The following SPATA16 variants were observed in gnomAD, a reference collection of about 807,000 sequenced individuals.
SPATA16 encodes the protein spermatogenesis associated 16.
A neutral mutation model predicts 63.3 loss-of-function variants in SPATA16; 36 were observed. The observed-to-expected ratio is 0.57, with a 90% CI of 0.44 to 0.75. The LOEUF is 0.75. SPATA16 is among the 30% of genes least tolerant of loss of function. The pLI, the probability that SPATA16 is intolerant of heterozygous loss-of-function variation, is 0.00. For missense variants in SPATA16, 646 were observed against 679.3 expected (o/e 0.95, Z 0.54); for synonymous variants, 203 against 216.7 (o/e 0.94, Z 0.56).
At chr3:172,916,568 G>GT (rs1434991324) in intron 8 of SPATA16, 87 bp from the exon 9 acceptor site, 14 of 1,357,644 alleles carry the variant, frequency 1.0e-5, no homozygotes, top group Non-Finnish European at 1.5e-5. Context: ...TTGTGATAAC[G>GT]TATTTACATC....
intron 1 of SPATA16, among the ~76,000 whole-genome samples, chr3:173,126,659 A>G (rs1738236697): frequency 6.6e-6 from 1 of 152,246 alleles, no homozygotes; most frequent in South Asian, 2.1e-4. Context: ...TCAGTATTGT[A>G]GAAGTATAGA....
chr3:173,088,308 C>T (rs1190604402), intron 2 of SPATA16, among the ~76,000 whole-genome samples: 1 of 151,940 alleles, frequency 6.6e-6, no homozygotes, highest in African/African-American at 2.4e-5. Context: ...TGCTCTCTAT[C>T]TCTTGACCTC....
intron 4 of SPATA16, among the ~76,000 whole-genome samples, chr3:173,014,845 T>C (rs565820722): frequency 6.8e-4 from 103 of 152,276 alleles, no homozygotes; most frequent in African/African-American, 2.4e-3. Flanking sequence ...ACTTTCACTA[T>C]CACAGGTATC....
At chr3:173,039,273 T>TA (rs1735785092) in intron 3 of SPATA16, among the ~76,000 whole-genome samples, 1 of 152,032 alleles carries the variant, frequency 6.6e-6, no homozygotes, top group South Asian at 2.1e-4. Context: ...TATTAGAAAG[T>TA]AAAAAACAAA....
At position 173,081,304 on chromosome 3, in the gene SPATA16, C is replaced by G. The variant is rs891991693; in HGVS notation, c.613-32210G>C. On this transcript the variant is annotated intron_variant, in intron 2 of 10. Transcript: ENST00000351008. ...CTCATAGTCAGCCAGATCAGAACTTCCACCACCATTCTATTCCTATGCCAA... is the reference window on the plus strand; with the variant it reads ...CTCATAGTCAGCCAGATCAGAACTTGCACCACCATTCTATTCCTATGCCAA... 3.9e-5 allele frequency among the ~76,000 whole-genome samples: 6 copies of G among 152,272 alleles called. No homozygotes were observed. In the South Asian group the frequency reaches 1.2e-3, roughly 32 times the overall value.
At chr3:173,131,266 C>T (rs1346825114) in intron 1 of SPATA16, among the ~76,000 whole-genome samples, 1 of 152,194 alleles carries the variant, frequency 6.6e-6, no homozygotes, top group Non-Finnish European at 1.5e-5. Context: ...ACACGTTATA[C>T]TCTGCTTATG....
At chr3:173,051,680 A>G (rs1461906970) in intron 2 of SPATA16, among the ~76,000 whole-genome samples, 1 of 152,028 alleles carries the variant, frequency 6.6e-6, no homozygotes, top group African/African-American at 2.4e-5. Context: ...TGTTTCCTCA[A>G]ATCTTACTCA....
At chr3:173,094,454 T>C (rs1200549098) in intron 2 of SPATA16, among the ~76,000 whole-genome samples, 1 of 152,174 alleles carries the variant, frequency 6.6e-6, no homozygotes, top group African/African-American at 2.4e-5. Context: ...AGGATAGATA[T>C]ATATTTCCCA....
At chr3:173,075,323 G>A (rs948987604) in intron 2 of SPATA16, among the ~76,000 whole-genome samples, 5 of 152,198 alleles carry the variant, frequency 3.3e-5, no homozygotes, top group African/African-American at 4.8e-5. Context: ...CTTGTACACA[G>A]TTGGTGAGAA....
intron 10 of SPATA16, among the ~76,000 whole-genome samples, chr3:172,912,074 C>T (rs1043658270): frequency 7.2e-5 from 11 of 152,190 alleles, no homozygotes; most frequent in Admixed American, 2.0e-4. Flanking sequence ...ATCTTCTGTA[C>T]GTTCTGGTTA....
intron 10 of SPATA16, among the ~76,000 whole-genome samples, chr3:172,893,655 T>C (rs1345066031): frequency 6.6e-6 from 1 of 152,228 alleles, no homozygotes; most frequent in Admixed American, 6.5e-5. Flanking sequence ...CTTTGATCCT[T>C]TCCAAAATTA....
intron 5 of SPATA16, among the ~76,000 whole-genome samples, chr3:172,969,125 A>G (rs879340165): frequency 2.0e-4 from 27 of 135,860 alleles, no homozygotes; most frequent in Admixed American, 3.9e-4. Flanking sequence ...TGTTGTCTAG[A>G]TGTGACACTT....
chr3:172,954,299 A>C (rs1171573759), intron 6 of SPATA16, among the ~76,000 whole-genome samples: 1 of 152,208 alleles, frequency 6.6e-6, no homozygotes, highest in African/African-American at 2.4e-5. Context: ...ACTCCCACTT[A>C]TAAAACCATC....
chr3:172,980,839 T>C (rs557486577), intron 4 of SPATA16, among the ~76,000 whole-genome samples: 2 of 152,328 alleles, frequency 1.3e-5, no homozygotes, highest in East Asian at 3.9e-4. Flanking sequence ...ACCTGAATTC[T>C]TCCCTTCACT....
intron 2 of SPATA16, among the ~76,000 whole-genome samples, chr3:173,069,043 G>T (rs1303523208): frequency 6.7e-6 from 1 of 149,840 alleles, no homozygotes; most frequent in African/African-American, 2.5e-5. Context: ...CCGGGAGGCG[G>T]AGCTTGCAGT....
intron 2 of SPATA16, among the ~76,000 whole-genome samples, chr3:173,115,574 A>G (rs989727003): frequency 1.8e-4 from 27 of 152,196 alleles, no homozygotes; most frequent in Admixed American, 1.4e-3. Context: ...TTTACGTAGT[A>G]CATCACACTT....
chr3:173,098,917 A>G (rs1209410120), intron 2 of SPATA16, among the ~76,000 whole-genome samples: 1 of 152,162 alleles, frequency 6.6e-6, no homozygotes, highest in East Asian at 1.9e-4. Flanking sequence ...TCAGATCACA[A>G]TGTTCTTTCA....
intron 3 of SPATA16, among the ~76,000 whole-genome samples, chr3:173,030,037 G>A (rs1415791782): frequency 6.6e-6 from 1 of 151,176 alleles, no homozygotes; most frequent in African/African-American, 2.4e-5. Flanking sequence ...GCCTAATATT[G>A]AAGACAGAGT....
rs748357864 is a variant in SPATA16, at chr3:173,117,316, A to G, written c.416T>C (p.Phe139Ser). The stretch of plus-strand genomic sequence containing the variant: ...CCCAGTAGACATGAAGGACTCTACA[A>G]ACTCATAGCGAACACCCATTTCATC... Reference protein sequence around the residue: ...YIDEMGVRYEFVESFMSTGSQ... With the variant: ...YIDEMGVRYESVESFMSTGSQ... The change falls in exon 2 of 11, where the codon TTT (phenylalanine) becomes TCT (serine). Residue 139 changes from phenylalanine to serine, a missense_variant. Phe to Ser is a radical substitution (Grantham distance 155, BLOSUM62 -2). Coordinates refer to ENST00000351008, the MANE Select transcript of SPATA16 (RefSeq NM_031955.6). 6.2e-7 allele frequency: 1 copy of G among 1,614,148 alleles called. No individual in the cohort carries two copies. The highest frequency in any genetic ancestry group is 8.5e-7 in the Non-Finnish European group (1 of 1,180,004).
Sources: allele counts gnomAD v4.1 joint callset (sites outside exome capture counted in the v4.1 genomes callset), GRCh38; gene constraint gnomAD v4.1.1; transcripts MANE v1.5; gene names NCBI Gene and HGNC (gene_info 2026-07-23, HGNC 2026-07-21).